TFF2: variants seen among roughly 807,000 people sequenced by gnomAD.
The protein encoded by TFF2 is trefoil factor 2.
Under a neutral mutation model 16.0 loss-of-function variants are expected in TFF2, and 19 were observed. The ratio of observed to expected loss-of-function variants is 1.19; its 90% CI spans 0.83 to 1.74. The LOEUF (loss-of-function observed/expected upper bound fraction) is 1.74. TFF2 is among the 40% of genes most tolerant of loss of function. The pLI, the probability that TFF2 is intolerant of heterozygous loss-of-function variation, is 0.00. For missense variants in TFF2, 168 were observed against 166.8 expected, an observed-to-expected ratio of 1.01 and a Z score of -0.04; for synonymous variants, 61 against 65.4, an observed-to-expected ratio of 0.93 and a Z score of 0.32.
At chr21:42,350,852 C>T (rs2052111539) in intron 1 of TFF2, 27 bp downstream of exon 1, 5 of 1,581,038 alleles carry the variant, frequency 3.2e-6, no homozygotes, top group African/African-American at 1.4e-5. Flanking sequence ...AAAGAAAGCA[C>T]ATAAAAAGAC....
chr21:42,346,675 G>T (rs1312728174), intron 3 of TFF2, 129 bp from the exon 4 acceptor site: 1 of 1,070,142 alleles, frequency 9.3e-7, no homozygotes, highest in African/African-American at 1.6e-5. Flanking sequence ...TCCTTTCCCG[G>T]GGAGGGGGTG....
chr21:42,347,657 G>A (rs1445932354), intron 2 of TFF2, 25 bp from the exon 3 acceptor site: 9 of 1,611,486 alleles, frequency 5.6e-6, no homozygotes, highest in Middle Eastern at 1.7e-4. Flanking sequence ...GCACAGCACC[G>A]AGACCCAGTC....
rs2052104948 is a variant in TFF2, at chr21:42,350,135, G to A, written c.80-105C>T. 2.1e-6 allele frequency: 3 copies of A among 1,423,180 alleles called. No homozygotes were observed. In the East Asian group the frequency reaches 7.8e-5, roughly 37 times the overall value. 88.2% of individuals were successfully genotyped at this position (1,423,180 alleles called of 1,614,324 possible). On this transcript the variant is annotated intron_variant, in intron 1 of 3. Coordinates refer to ENST00000291526, the MANE Select transcript of TFF2 (RefSeq NM_005423.5). ...CTCTACTGTCTTGTTGCCACATAGA[G>A]AAACACAAAGTCTTATCTTGCCCAT...
rs1389454955 is a variant in TFF2, at chr21:42,350,178, T to G, written c.80-148A>C. ...TTGCCCATATTTAAGCAATGCGGTT[T>G]CCTCCTGAGAAGCCGATAGGGCTTT... On this transcript the variant is annotated intron_variant, in intron 1 of 3. Transcript: ENST00000291526. The G allele has an allele frequency of 2.3e-6, 3 of 1,303,796 alleles. No individual in the cohort carries two copies. In the African/African-American group the frequency reaches 4.5e-5, roughly 20 times the overall value. The allele number at this position is 1,303,796 out of a possible 1,614,324, so 80.8% of individuals were successfully genotyped here.
chr21:42,350,759 C>T lies in TFF2; in HGVS notation c.79+120G>A, dbSNP rs920257447. ...GCAGTGGCAAATCCCATGTGAACAA[C>T]ACACATTGCCAGATGCCTTTATAGC... On this transcript the variant is annotated intron_variant, in intron 1 of 3. Coordinates refer to ENST00000291526, the MANE Select transcript of TFF2 (RefSeq NM_005423.5). 13 of 1,061,740 alleles carry T rather than the reference C, an allele frequency of 1.2e-5. No individual in the cohort carries two copies. In the Admixed American group the frequency reaches 3.3e-4, roughly 27 times the overall value. 65.8% of individuals were successfully genotyped at this position (1,061,740 alleles called of 1,614,324 possible). A position where few individuals can be genotyped will look rare whatever the true frequency, so the allele number is the denominator to read the frequency against.
chr21:42,347,243 G>A (rs1488573694), intron 3 of TFF2, among the ~76,000 whole-genome samples: 1 of 152,248 alleles, frequency 6.6e-6, no homozygotes, highest in Non-Finnish European at 1.5e-5. Flanking sequence ...GGGATGAGCC[G>A]CTGTTTCTAG....
In TFF2 at chr21:42,347,633, C is replaced by T. The variant is rs764106088; in HGVS notation, c.230-1G>A. 5 of 1,613,828 alleles carry T rather than the reference C, an allele frequency of 3.1e-6. No individual in the cohort carries two copies. The highest frequency in any genetic ancestry group is 4.2e-6 in the Non-Finnish European group (5 of 1,179,986). ...ACCTCCATGACGCACTGATCCGACTCTGCCATGGGACAGGCACAGCACCGA... is the reference window on the plus strand; with the variant it reads ...ACCTCCATGACGCACTGATCCGACTTTGCCATGGGACAGGCACAGCACCGA... On this transcript the variant is annotated splice_acceptor_variant, in intron 2 of 3. Transcript: ENST00000291526. LOFTEE classifies it high-confidence loss of function.
chr21:42,346,490 G>A lies in TFF2; in HGVS notation c.*43C>T. 1 of 1,612,708 alleles carries A rather than the reference G, an allele frequency of 6.2e-7. No homozygotes were observed. Among genetic ancestry groups the A allele is most frequent in the South Asian group, 1.1e-5 (1 of 90,796 alleles). On this transcript the variant is annotated 3_prime_UTR_variant, in exon 4 of 4. Transcript: ENST00000291526. ...AGGCGAAGTTTCTTCTTTGGTTTCG[G>A]AACACCCGGTGAGCCAGATGCATCC...
chr21:42,349,761 C>T, intron 2 of TFF2, 120 bp downstream of exon 2: 1 of 1,062,706 alleles, frequency 9.4e-7, no homozygotes, highest in Non-Finnish European at 1.3e-6. Flanking sequence ...GAGACTAACC[C>T]ACCCAGGCTA....
intron 2 of TFF2, among the ~76,000 whole-genome samples, chr21:42,348,365 A>G (rs2052085993): frequency 6.6e-6 from 1 of 152,128 alleles, no homozygotes; most frequent in South Asian, 2.1e-4. Context: ...CTGCTGTCCT[A>G]TTAAATACCT....
chr21:42,347,608 A>T lies in TFF2; in HGVS notation c.254T>A (p.Val85Asp), dbSNP rs770774101. ...GTAGCCACAGTTTCTTCGGTCTGAG[A>T]CCTCCATGACGCACTGATCCGACTC... ...KQESDQCVME[V>D]SDRRNCGYPG... is the part of the protein sequence containing the mutation. The change falls in exon 3 of 4, where the codon GTC (valine) becomes GAC (aspartate). Residue 85 changes from valine to aspartate, a missense_variant. Transcript: ENST00000291526. 1.7e-5 allele frequency: 28 copies of T among 1,613,842 alleles called. No individual in the cohort carries two copies. The highest frequency in any genetic ancestry group is 2.1e-5 in the Non-Finnish European group (25 of 1,179,964).
Position 42,349,907 on chromosome 21 carries a change from C to G in TFF2, c.203G>C (p.Trp68Ser). ...TTGCTTTGGGAGGGGGTGGAAACAC[C>G]AGGGGACCCCAGTGACACTGGAGTC... ...CFDSSVTGVP[W>S]CFHPLPKQES... The change falls in exon 2 of 4, where the codon TGG becomes TCG. Residue 68 changes from tryptophan to serine, a missense_variant. Transcript: ENST00000291526. 6.2e-7 allele frequency: 1 copy of G among 1,600,004 alleles called. No individual in the cohort carries two copies. The highest frequency in any genetic ancestry group is 2.3e-5 in the East Asian group (1 of 44,440).
intron 1 of TFF2, 24 bp from the exon 2 acceptor site, chr21:42,350,054 C>A: frequency 6.3e-7 from 1 of 1,583,524 alleles, no homozygotes; most frequent in Admixed American, 1.8e-5. Context: ...CTCAGTCGGC[C>A]CCACCCTGGT....
At position 42,346,540 on chromosome 21, in the gene TFF2, T is replaced by C. The variant is rs1387249611; in HGVS notation, c.383A>G (p.His128Arg). The part of the protein sequence containing the change: ...CFFPKSVEDC[H>R]Y ...CTCTGGAACCAGCCTCTCTTAGTAA[T>C]GGCAGTCTAGAAGTTTAAATGCAAG... Residue 128 changes from histidine (H) to arginine (R), a missense_variant, in exon 4 of 4, where the codon CAT becomes CGT. Coordinates refer to ENST00000291526, the MANE Select transcript of TFF2 (RefSeq NM_005423.5). 8.7e-6 allele frequency: 14 copies of C among 1,604,246 alleles called. No homozygotes were observed. The highest frequency in any genetic ancestry group is 1.2e-5 in the Non-Finnish European group (14 of 1,177,512).
At position 42,346,477 on chromosome 21, in the gene TFF2, T is replaced by C; in HGVS notation, c.*56A>G. 1.9e-6 allele frequency: 3 copies of C among 1,609,316 alleles called. No individual in the cohort carries two copies. The highest frequency in any genetic ancestry group is 1.7e-6 in the Non-Finnish European group (2 of 1,176,400). On this transcript the variant is annotated 3_prime_UTR_variant, in exon 4 of 4. Transcript: ENST00000291526. ...TATGAAGCTGATAAGGCGAAGTTTCTTCTTTGGTTTCGGAACACCCGGTGA... is the reference window on the plus strand; with the variant it reads ...TATGAAGCTGATAAGGCGAAGTTTCCTCTTTGGTTTCGGAACACCCGGTGA...
intron 3 of TFF2, among the ~76,000 whole-genome samples, chr21:42,346,847 T>A (rs1234810619): frequency 6.6e-6 from 1 of 152,210 alleles, no homozygotes; most frequent in African/African-American, 2.4e-5. Context: ...TGCTTTGATA[T>A]CCTAACAAAA....
chr21:42,348,550 G>T (rs940906645), intron 2 of TFF2, among the ~76,000 whole-genome samples: 4 of 152,202 alleles, frequency 2.6e-5, no homozygotes, highest in African/African-American at 9.7e-5. Context: ...TCATCTCACT[G>T]TTGGCTGACC....
At chr21:42,349,094 CTAACCAACCTGGGCTAGCTCCGAT>C in intron 2 of TFF2, among the ~76,000 whole-genome samples, 1 of 151,762 alleles carries the variant, frequency 6.6e-6, no homozygotes, top group East Asian at 2.0e-4. Context: ...TAGCTCCAGA[CTAACCAACCTGGGCTAGCTCCGAT>C]TAACCAACCT....
At chr21:42,347,754 C>T (rs2052081005) in intron 2 of TFF2, 122 bp from the exon 3 acceptor site, 3 of 1,311,612 alleles carry the variant, frequency 2.3e-6, no homozygotes, top group East Asian at 2.5e-5. Context: ...GAGGTGCTGC[C>T]TGGGGCAGCA....
Sources: gnomAD v4.1 joint callset for allele counts (sites outside exome capture counted in the v4.1 genomes callset) on GRCh38, gnomAD v4.1.1 for gene constraint, MANE v1.5 for transcripts, NCBI Gene and HGNC (gene_info 2026-07-23, HGNC 2026-07-21) for gene names.